Variants in ARHGAP15 observed in about 807,000 individuals in gnomAD.
The protein encoded by ARHGAP15 is Rho GTPase activating protein 15, also known as rho GTPase-activating protein 15.
A neutral mutation model predicts 63.7 loss-of-function variants in ARHGAP15; 51 were observed. The ratio of observed to expected loss-of-function variants is 0.80; its 90% CI spans 0.64 to 1.01. ARHGAP15 has a LOEUF of 1.01. Ranked by LOEUF, ARHGAP15 falls within the 50% of genes least tolerant of loss-of-function variation. The probability of loss-of-function intolerance (pLI) is 0.00; values close to 1 mark genes in which losing one functional copy is unlikely to be tolerated. For missense variants in ARHGAP15, 560 were observed against 564.6 expected (o/e 0.99, Z 0.08); for synonymous variants, 191 against 193.8 (o/e 0.99, Z 0.12).
intron 6 of ARHGAP15, among the ~76,000 whole-genome samples, chr2:143,366,985 A>T (rs1432713991): frequency 2.0e-5 from 3 of 152,118 alleles, no homozygotes; most frequent in Admixed American, 2.0e-4. Context: ...CATAATTGGC[A>T]GGTCCATGAC....
intron 12 of ARHGAP15, among the ~76,000 whole-genome samples, chr2:143,654,240 A>T (rs1295909411): frequency 6.6e-6 from 1 of 152,140 alleles, no homozygotes; most frequent in Non-Finnish European, 1.5e-5. Context: ...CCATTAAGTA[A>T]ATTTTAAAAT....
chr2:143,245,560 G>A (rs948900402), intron 5 of ARHGAP15, among the ~76,000 whole-genome samples: 1 of 151,956 alleles, frequency 6.6e-6, no homozygotes, highest in Non-Finnish European at 1.5e-5. Context: ...TAACGGAAAG[G>A]AAATAAGTGA....
chr2:143,638,401 A>C (rs2105266974), intron 12 of ARHGAP15, among the ~76,000 whole-genome samples: 1 of 128,516 alleles, frequency 7.8e-6, no homozygotes, highest in Admixed American at 7.6e-5. Context: ...TATCTCAAGA[A>C]CAAAAAACCA....
intron 13 of ARHGAP15, among the ~76,000 whole-genome samples, chr2:143,732,177 A>G (rs1208222386): frequency 5.3e-5 from 8 of 152,212 alleles, no homozygotes; most frequent in African/African-American, 1.9e-4. Flanking sequence ...GTGGTCAGTT[A>G]GCACAAGCAA....
At chr2:143,330,094 C>CAAAAAAAA (rs1303438123) in intron 6 of ARHGAP15, among the ~76,000 whole-genome samples, 11 of 1,662 alleles carry the variant, frequency 6.6e-3, no homozygotes, top group Non-Finnish European at 8.4e-3. Context: ...GGCTCTGTCT[C>CAAAAAAAA]AAAAAAAAAA....
intron 6 of ARHGAP15, among the ~76,000 whole-genome samples, chr2:143,302,185 TAG>T (rs1682937955): frequency 2.6e-5 from 4 of 151,942 alleles, no homozygotes; most frequent in Non-Finnish European, 5.9e-5. Context: ...CAGATGTCTA[TAG>T]ATTGCATTCT....
intron 4 of ARHGAP15, among the ~76,000 whole-genome samples, chr2:143,218,436 C>T (rs537179065): frequency 2.1e-4 from 32 of 152,066 alleles, no homozygotes; most frequent in Non-Finnish European, 3.8e-4. Flanking sequence ...ATCCTTGCTT[C>T]AATCCCTTGT....
At chr2:143,620,839 G>A (rs539032972) in intron 11 of ARHGAP15, among the ~76,000 whole-genome samples, 3 of 152,290 alleles carry the variant, frequency 2.0e-5, no homozygotes, top group East Asian at 1.9e-4. Context: ...GTTGGTTATC[G>A]CTTTCGTTGC....
intron 1 of ARHGAP15, among the ~76,000 whole-genome samples, chr2:143,150,604 G>A (rs1275164872): frequency 6.6e-6 from 1 of 152,000 alleles, no homozygotes; most frequent in Non-Finnish European, 1.5e-5. Context: ...AGTCTTAAGT[G>A]ATTTACATTT....
chr2:143,567,626 G>A (rs566340457), intron 11 of ARHGAP15, among the ~76,000 whole-genome samples: 44 of 152,284 alleles, frequency 2.9e-4, no homozygotes, highest in African/African-American at 1.0e-3. Context: ...TGCCAGCCTT[G>A]TCCTTTAGGC....
chr2:143,324,232 A>C (rs560444558), intron 6 of ARHGAP15, among the ~76,000 whole-genome samples: 1 of 152,348 alleles, frequency 6.6e-6, no homozygotes, highest in East Asian at 1.9e-4. Context: ...TTCTTTCCTT[A>C]GTTATAACAT....
intron 6 of ARHGAP15, among the ~76,000 whole-genome samples, chr2:143,410,000 C>T (rs1688377188): frequency 1.3e-5 from 2 of 152,010 alleles, no homozygotes; most frequent in Non-Finnish European, 2.9e-5. Context: ...TATTTTGTTT[C>T]ACTTTTATAG....
At chr2:143,715,335 T>A (rs547774114) in intron 13 of ARHGAP15, among the ~76,000 whole-genome samples, 253 of 152,346 alleles carry the variant, frequency 1.7e-3, no homozygotes, top group Non-Finnish European at 2.6e-3. Context: ...ATGGGAATTC[T>A]GGGAGATACA....
chr2:143,550,257 A>C (rs971582985), intron 10 of ARHGAP15, among the ~76,000 whole-genome samples: 1 of 152,332 alleles, frequency 6.6e-6, no homozygotes, highest in African/African-American at 2.4e-5. Flanking sequence ...ATATTTTTCA[A>C]AGTTAGAAAA....
chr2:143,226,002 T>C (rs2105165736), intron 4 of ARHGAP15, among the ~76,000 whole-genome samples: 1 of 152,338 alleles, frequency 6.6e-6, no homozygotes, highest in East Asian at 1.9e-4. Context: ...TTCACTTTTA[T>C]TCAGAGAAGA....
At chr2:143,423,663 T>C (rs1017258643) in intron 6 of ARHGAP15, among the ~76,000 whole-genome samples, 2 of 152,152 alleles carry the variant, frequency 1.3e-5, no homozygotes, top group African/African-American at 2.4e-5. Flanking sequence ...GTTTCCTGAA[T>C]GAAGAGGTGG....
At chr2:143,240,423 C>T (rs1481609600) in intron 5 of ARHGAP15, among the ~76,000 whole-genome samples, 2 of 151,874 alleles carry the variant, frequency 1.3e-5, no homozygotes, top group Non-Finnish European at 2.9e-5. Context: ...TTGAGTATTC[C>T]GTGCAAAATG....
intron 9 of ARHGAP15, among the ~76,000 whole-genome samples, chr2:143,494,754 G>C (rs149679233): frequency 6.6e-5 from 10 of 152,258 alleles, no homozygotes; most frequent in Non-Finnish European, 1.0e-4. Context: ...GGGTAGACCT[G>C]GCCAATGATA....
At chr2:143,487,110 G>A (rs941134617) in intron 8 of ARHGAP15, among the ~76,000 whole-genome samples, 8 of 152,094 alleles carry the variant, frequency 5.3e-5, no homozygotes, top group Admixed American at 1.3e-4. Context: ...TAAAGATTAC[G>A]TTAAATATAA....
Sources: gnomAD v4.1 joint callset for allele counts (sites outside exome capture counted in the v4.1 genomes callset) on GRCh38, gnomAD v4.1.1 for gene constraint, MANE v1.5 for transcripts, NCBI Gene and HGNC (gene_info 2026-07-23, HGNC 2026-07-21) for gene names.